The following TMEM240 variants were observed in gnomAD, a reference collection of about 807,000 sequenced individuals.
The protein encoded by TMEM240 is transmembrane protein C1orf70.
TMEM240 carries 3 observed loss-of-function variants against 19.5 expected under a neutral mutation model. That is an observed-to-expected ratio of 0.15 (90% CI 0.07 to 0.40). The LOEUF is 0.40. Ranked by LOEUF, TMEM240 falls within the 10% of genes least tolerant of loss-of-function variation. The pLI, the probability that TMEM240 is intolerant of heterozygous loss-of-function variation, is 1.00. For synonymous variants in TMEM240, 123 were observed against 109.3 expected (o/e 1.13, Z -0.78); for missense variants, 210 against 253.5 (o/e 0.83, Z 1.17).
chr1:1,539,472 C>A, intron 2 of TMEM240: 1 of 581,284 alleles, frequency 1.7e-6, no homozygotes. Flanking sequence ...CCGCCATCAC[C>A]CTGGAGGCCT....
rs3118505 is a variant in TMEM240 at position 1,536,667 on chromosome 1, C to T, written c.165-870G>A. ...CTCGCCCCAGCAGCTCACCCTGTCC[C>T]AGGAAGGTCTCCGGGCCTTGACTCT... On this transcript the variant is annotated intron_variant, in intron 2 of 3. Coordinates refer to ENST00000378733, the MANE Select transcript of TMEM240 (RefSeq NM_001114748.2). This position sits in a 1 kb window ranked among gnomAD's most constrained non-coding sequence, Gnocchi z 5.4. 0.07 allele frequency among the ~76,000 whole-genome samples: 10,604 copies of T among 152,172 alleles called. 424 individuals carry two copies. The highest frequency in any genetic ancestry group is 0.12 in the East Asian group (619 of 5,132).
rs1470995958 is a variant in TMEM240 at position 1,535,434 on chromosome 1, C to T, written c.447G>A (p.Glu149=). 3.9e-6 allele frequency: 6 copies of T among 1,549,664 alleles called. No homozygotes were observed. Among genetic ancestry groups the T allele is most frequent in the East Asian group, 4.9e-5 (2 of 40,872 alleles). ...CGTGTACCATGTTCCCGGCGGCCTC[C>T]TCGAAGGGCCTGTGCGGCCGCCGGC... ...ELGRRPHRPF[E]EAAGNMVHVK... The change falls in exon 4 of 4, where the codon GAG becomes GAA. Residue 149 remains glutamate (E), a synonymous_variant. Transcript: ENST00000378733. This position sits in a 1 kb window ranked among gnomAD's most constrained non-coding sequence, Gnocchi z 8.2.
rs747773729 is a variant in TMEM240, at chr1:1,535,425, G to T, written c.456C>A (p.Ala152=). Residue 152 remains alanine (A), a synonymous_variant, in exon 4 of 4, where the codon GCC becomes GCA. Transcript: ENST00000378733. The surrounding 1 kb of genome is among the most constrained non-coding windows in gnomAD (Gnocchi z 8.2). The part of the protein sequence containing the change: ...RRPHRPFEEA[A]GNMVHVKQKL... Reference sequence around the variant, plus strand: ...TCTGCTTCACGTGTACCATGTTCCCGGCGGCCTCCTCGAAGGGCCTGTGCG... The same window carrying T: ...TCTGCTTCACGTGTACCATGTTCCCTGCGGCCTCCTCGAAGGGCCTGTGCG... The T allele has an allele frequency of 2.5e-5, 38 of 1,549,530 alleles. No individual in the cohort carries two copies.
rs1350542001 is a variant in TMEM240, at chr1:1,536,462, C to T, written c.165-665G>A. Among the ~76,000 whole-genome samples the T allele has an allele frequency of 6.6e-6, 1 of 152,216 alleles. No individual in the cohort carries two copies. Among genetic ancestry groups the T allele is most frequent in the Non-Finnish European group, 1.5e-5 (1 of 68,026 alleles). ...CCCCCTTGCCCTTGCCTGGCACAGACCCGCCCCGCTCCTCTCAGGATGGAC... is the reference window on the plus strand; with the variant it reads ...CCCCCTTGCCCTTGCCTGGCACAGATCCGCCCCGCTCCTCTCAGGATGGAC... On this transcript the variant is annotated intron_variant, in intron 2 of 3. Transcript: ENST00000378733. The surrounding 1 kb of genome is among the most constrained non-coding windows in gnomAD (Gnocchi z 5.4).
chr1:1,535,751 C>T lies in TMEM240; in HGVS notation c.211G>A (p.Val71Met), dbSNP rs969868960. 1 of 1,550,320 alleles carries T rather than the reference C, an allele frequency of 6.5e-7. No homozygotes were observed. Among genetic ancestry groups the T allele is most frequent in the African/African-American group, 1.4e-5 (1 of 73,142 alleles). The change falls in exon 3 of 4, where the codon GTG (valine) becomes ATG (methionine). Residue 71 changes from valine (V) to methionine (M), a missense_variant. By Grantham distance (21) the Val-to-Met change is conservative. Transcript: ENST00000378733. The surrounding 1 kb of genome is among the most constrained non-coding windows in gnomAD (Gnocchi z 8.2). ...ACAAAGTAGTTCTCGGAGGCGTCCA[C>T]CACCGACTGGTCCCCGTCGTACGGG... ...VIPYDGDQSV[V>M]DASENYFVTD...
chr1:1,535,653 G>A lies in TMEM240; in HGVS notation c.309C>T (p.Phe103=), dbSNP rs760887921. 6.5e-7 allele frequency: 1 copy of A among 1,549,912 alleles called. No homozygotes were observed. The highest frequency in any genetic ancestry group is 2.4e-5 in the East Asian group (1 of 40,902). The part of the protein sequence containing the change: ...GLLLGFCISW[F]LVWMDGVLHC... ...GCAGGACGCCGTCCATCCACACCAGGAACCAGCTGATGCAAAAGCCCAGCA... is the reference window on the plus strand; with the variant it reads ...GCAGGACGCCGTCCATCCACACCAGAAACCAGCTGATGCAAAAGCCCAGCA... The change falls in exon 3 of 4, where the codon TTC becomes TTT. Residue 103 remains phenylalanine (F), a synonymous_variant. Coordinates refer to ENST00000378733, the MANE Select transcript of TMEM240 (RefSeq NM_001114748.2). This position sits in a 1 kb window ranked among gnomAD's most constrained non-coding sequence, Gnocchi z 8.2.
intron 2 of TMEM240, 25 bp downstream of exon 2, chr1:1,539,659 G>T (rs755661564): frequency 3.2e-6 from 5 of 1,541,064 alleles, no homozygotes; most frequent in South Asian, 1.2e-5. Flanking sequence ...CACGCGTGTC[G>T]AGCCGGCGCC....
At position 1,535,257 on chromosome 1, in the gene TMEM240, A is replaced by G; in HGVS notation, c.*102T>C. 1 of 1,331,308 alleles carries G rather than the reference A, an allele frequency of 7.5e-7. No homozygotes were observed. The allele number at this position is 1,331,308 out of a possible 1,614,324, so 82.5% of individuals were successfully genotyped here. A position where few individuals can be genotyped will look rare whatever the true frequency, so the allele number is the denominator to read the frequency against. On this transcript the variant is annotated 3_prime_UTR_variant, in exon 4 of 4. Transcript: ENST00000378733. This position sits in a 1 kb window ranked among gnomAD's most constrained non-coding sequence, Gnocchi z 8.2. ...CCACAGCCCCGGACAACCTGGGCCC[A>G]GGGCTGCTGTCCAGTCCCGCCGGCC...
At position 1,535,470 on chromosome 1, in the gene TMEM240, C is replaced by A; in HGVS notation, c.411G>T (p.Leu137=). 6.5e-7 allele frequency: 1 copy of A among 1,548,730 alleles called. No individual in the cohort carries two copies. The highest frequency in any genetic ancestry group is 1.2e-5 in the South Asian group (1 of 83,936). Residue 137 remains leucine (L), a synonymous_variant, in exon 4 of 4, where the codon CTG becomes CTT. Transcript: ENST00000378733. This position sits in a 1 kb window ranked among gnomAD's most constrained non-coding sequence, Gnocchi z 8.2. The part of the protein sequence containing the change: ...SWTWLPKLCS[L]RELGRRPHRP... ...TGTGCGGCCGCCGGCCCAGCTCCCG[C>A]AGGCTGCACAGCTTGGGCAGCCAGG...
Position 1,535,806 on chromosome 1 carries a change from G to A in TMEM240, c.165-9C>T, listed in dbSNP as rs1393949218. ...CGTAGTGGATATGGTGCCTGGGGGC[G>A]GCAGGGCGGGCTGGCACCTCTCCCG... is the stretch of plus-strand genomic sequence containing the variant. On this transcript the variant is annotated splice_polypyrimidine_tract_variant and intron_variant, in intron 2 of 3. Coordinates refer to ENST00000378733, the MANE Select transcript of TMEM240 (RefSeq NM_001114748.2). This position sits in a 1 kb window ranked among gnomAD's most constrained non-coding sequence, Gnocchi z 8.2. 17 of 1,548,912 alleles carry A rather than the reference G, an allele frequency of 1.1e-5. No individual in the cohort carries two copies. The highest frequency in any genetic ancestry group is 4.9e-5 in the East Asian group (2 of 40,888).
rs574855348 is a variant in TMEM240, at chr1:1,535,569, G to A, written c.373+20C>T. On this transcript the variant is annotated intron_variant, in intron 3 of 3. Coordinates refer to ENST00000378733, the MANE Select transcript of TMEM240 (RefSeq NM_001114748.2). This position sits in a 1 kb window ranked among gnomAD's most constrained non-coding sequence, Gnocchi z 8.2. ...GGCCAGGGCGGCAGCACTCCCGGGC[G>A]GCGGGCACGAGGCACTCACCGTAGC... The A allele has an allele frequency of 6.0e-5, 93 of 1,545,216 alleles. No individual in the cohort carries two copies. Among genetic ancestry groups the A allele is most frequent in the East Asian group, 4.7e-4 (19 of 40,710 alleles).
chr1:1,539,886 G>A (rs1360222977), intron 1 of TMEM240, 96 bp from the exon 2 acceptor site: 3 of 1,091,944 alleles, frequency 2.7e-6, no homozygotes, highest in Non-Finnish European at 4.0e-6. Context: ...CAGCGCAAGC[G>A]GGGAGCGAGA....
chr1:1,537,074 T>C (rs1015797099), intron 2 of TMEM240, among the ~76,000 whole-genome samples: 2 of 150,924 alleles, frequency 1.3e-5, no homozygotes, highest in African/African-American at 4.9e-5. Flanking sequence ...AGGCCATCCC[T>C]GTGCCCAGCG....
chr1:1,539,588 C>G (rs891065986), intron 2 of TMEM240, 96 bp downstream of exon 2: 1 of 1,110,226 alleles, frequency 9.0e-7, no homozygotes, highest in Admixed American at 2.1e-5. Context: ...GAAGGCGGCT[C>G]GCGGCCTGCG....
chr1:1,539,847 G>T, intron 1 of TMEM240, 57 bp from the exon 2 acceptor site: 1 of 1,469,214 alleles, frequency 6.8e-7, no homozygotes, highest in East Asian at 2.5e-5. Flanking sequence ...AGCGGGGCTG[G>T]GGGTGGGGAG....
At chr1:1,537,698 T>A (rs1280382206) in intron 2 of TMEM240, among the ~76,000 whole-genome samples, 1 of 152,168 alleles carries the variant, frequency 6.6e-6, no homozygotes, top group East Asian at 1.9e-4. Context: ...AGGCCCAGTG[T>A]ACATCACGTA....
In TMEM240 at chr1:1,539,797, G is replaced by C; in HGVS notation, c.58-7C>G. Reference sequence around the variant, plus strand: ...CCATCAAGCACGCGATGGCCTGGAAGAGCTCATGACCGGTCAGCGCCAAGG... The same window carrying C: ...CCATCAAGCACGCGATGGCCTGGAACAGCTCATGACCGGTCAGCGCCAAGG... On this transcript the variant is annotated splice_polypyrimidine_tract_variant and splice_region_variant and intron_variant, in intron 1 of 3. Transcript: ENST00000378733. The C allele has an allele frequency of 1.3e-6, 2 of 1,546,576 alleles. No homozygotes were observed. Among genetic ancestry groups the C allele is most frequent in the Non-Finnish European group, 1.7e-6 (2 of 1,145,950 alleles).
chr1:1,535,725 C>A lies in TMEM240; in HGVS notation c.237G>T (p.Val79=). 1 of 1,550,492 alleles carries A rather than the reference C, an allele frequency of 6.4e-7. No homozygotes were observed. Reference sequence around the variant, plus strand: ...TCTCCTGCTTGGTCACACTGTCCGTCACAAAGTAGTTCTCGGAGGCGTCCA... The same window carrying A: ...TCTCCTGCTTGGTCACACTGTCCGTAACAAAGTAGTTCTCGGAGGCGTCCA... ...SVVDASENYF[V]TDSVTKQEID... is the part of the protein sequence containing the mutation. The change falls in exon 3 of 4, where the codon GTG becomes GTT. Residue 79 remains valine, a synonymous_variant. Coordinates refer to ENST00000378733, the MANE Select transcript of TMEM240 (RefSeq NM_001114748.2). The surrounding 1 kb of genome is among the most constrained non-coding windows in gnomAD (Gnocchi z 8.2).
chr1:1,540,356 C>A lies in TMEM240; in HGVS notation c.-10G>T. The A allele has an allele frequency of 8.4e-7, 1 of 1,194,530 alleles. No homozygotes were observed. Among genetic ancestry groups the A allele is most frequent in the Non-Finnish European group, 1.0e-6 (1 of 957,220 alleles). 74.0% of individuals were successfully genotyped at this position (1,194,530 alleles called of 1,614,324 possible). The stretch of plus-strand genomic sequence containing the variant: ...TCGCGCTCATGGACATCGGGCGGGG[C>A]CGGGCCGGGCCGGAGCGCCGCCCCC... On this transcript the variant is annotated 5_prime_UTR_variant, in exon 1 of 4. Coordinates refer to ENST00000378733, the MANE Select transcript of TMEM240 (RefSeq NM_001114748.2).
Sources: allele counts gnomAD v4.1 joint callset (sites outside exome capture counted in the v4.1 genomes callset), GRCh38; gene constraint gnomAD v4.1.1; non-coding constraint Gnocchi (gnomAD v3.1); transcripts MANE v1.5; gene names NCBI Gene and HGNC (gene_info 2026-07-23, HGNC 2026-07-21).